SGF29: variants seen among roughly 807,000 people sequenced by gnomAD.
SGF29 encodes SAGA-associated factor 29.
SGF29 carries 15 observed loss-of-function variants against 38.1 expected under a neutral mutation model. That is an observed-to-expected ratio of 0.39 (90% CI 0.26 to 0.61). The LOEUF is 0.61. Among genes scored for constraint, SGF29 ranks in the 20% least tolerant of loss-of-function variants. The pLI, the probability that SGF29 is intolerant of heterozygous loss-of-function variation, is 0.49. For synonymous variants in SGF29, 151 were observed against 160.8 expected, an observed-to-expected ratio of 0.94 and a Z score of 0.46; for missense variants, 184 against 394.6, an observed-to-expected ratio of 0.47 and a Z score of 4.52.
intron 1 of SGF29, among the ~76,000 whole-genome samples, chr16:28,575,366 CAT>C (rs1432244593): frequency 6.6e-6 from 1 of 152,224 alleles, no homozygotes; most frequent in African/African-American, 2.4e-5. Context: ...AAATTAAAAA[CAT>C]GTGCTTCCAA....
intron 1 of SGF29, among the ~76,000 whole-genome samples, chr16:28,554,657 C>A (rs2151639223): frequency 6.6e-6 from 1 of 152,298 alleles, no homozygotes; most frequent in East Asian, 1.9e-4. Context: ...TTCACCCTCG[C>A]TATCCTCCAG....
At chr16:28,585,125 C>A in intron 3 of SGF29, 137 bp downstream of exon 3, 1 of 648,662 alleles carries the variant, frequency 1.5e-6, no homozygotes, top group South Asian at 2.0e-5. Context: ...GCAGGAGGGA[C>A]AGCTTTCCGT....
intron 1 of SGF29, among the ~76,000 whole-genome samples, chr16:28,555,115 C>T (rs1653527012): frequency 6.6e-6 from 1 of 152,172 alleles, no homozygotes; most frequent in South Asian, 2.1e-4. Flanking sequence ...ACCAAAGCCT[C>T]CCCAAATGCT....
intron 1 of SGF29, 44 bp downstream of exon 1, chr16:28,554,141 G>C (rs2046728501): frequency 6.6e-6 from 1 of 152,302 alleles, no homozygotes; most frequent in Non-Finnish European, 1.5e-5. Context: ...GGCGAAACGC[G>C]GGAGCGAAGG....
chr16:28,576,252 C>G (rs1031398241), intron 1 of SGF29, among the ~76,000 whole-genome samples: 17 of 151,794 alleles, frequency 1.1e-4, no homozygotes, highest in Non-Finnish European at 2.5e-4. Context: ...AGACACTGGG[C>G]GGGGAGGGTA....
intron 1 of SGF29, among the ~76,000 whole-genome samples, chr16:28,575,544 C>T (rs2046887650): frequency 6.6e-6 from 1 of 152,046 alleles, no homozygotes; most frequent in African/African-American, 2.4e-5. Context: ...ATTAGCTGGG[C>T]TTTGTGGTGC....
intron 1 of SGF29, among the ~76,000 whole-genome samples, chr16:28,559,695 A>G (rs1464618280): frequency 6.6e-6 from 1 of 152,146 alleles, no homozygotes; most frequent in African/African-American, 2.4e-5. Context: ...GTTATTTTAA[A>G]AAGTCTGCCT....
intron 1 of SGF29, among the ~76,000 whole-genome samples, chr16:28,580,608 ACTT>A (rs1180268394): frequency 6.6e-6 from 1 of 152,120 alleles, no homozygotes; most frequent in Non-Finnish European, 1.5e-5. Context: ...CATCTTAAAT[ACTT>A]CTCCAAAGAC....
Position 28,589,108 on chromosome 16 carries a change from G to A in SGF29, c.233G>A (p.Arg78Gln), listed in dbSNP as rs1169402444. ...CTTCTCCCCGCCCTCAGCATCCTTC[G>A]GAAAGCTCTGGACAAGATCGCGGAA... is the stretch of plus-strand genomic sequence containing the variant. ...ADAEAECNIL[R>Q]KALDKIAEIK... Residue 78 changes from arginine to glutamine, a missense_variant, in exon 5 of 10, where the codon CGG (arginine) becomes CAG (glutamine). Around this residue, in one of 2 missense-constraint regions of SGF29, gnomAD observed 77 missense variants for 117.7 expected, o/e 0.65. Coordinates refer to ENST00000317058, the MANE Select transcript of SGF29 (RefSeq NM_138414.3). 1.2e-6 allele frequency: 2 copies of A among 1,614,132 alleles called. No homozygotes were observed. The highest frequency in any genetic ancestry group is 1.7e-5 in the Admixed American group (1 of 60,028).
In SGF29 at chr16:28,591,162, G is replaced by C. The variant is rs180696646; in HGVS notation, c.765+227G>C. On this transcript the variant is annotated intron_variant, in intron 9 of 9. Transcript: ENST00000317058. ...CCGAGTCAGTGGCTTCCAGCCCCAG[G>C]AGAACCAGCTCCGAGATGGGAAGCT... 7.8e-3 allele frequency among the ~76,000 whole-genome samples: 1,183 copies of C among 152,250 alleles called. 6 individuals are homozygous for C. Among genetic ancestry groups the C allele is most frequent in the Non-Finnish European group, 0.012 (784 of 68,012 alleles).
intron 1 of SGF29, among the ~76,000 whole-genome samples, chr16:28,578,024 T>G (rs1453612466): frequency 6.6e-6 from 1 of 152,068 alleles, no homozygotes; most frequent in African/African-American, 2.4e-5. Context: ...GTTAAAAAAT[T>G]TATAAAGTAG....
intron 1 of SGF29, among the ~76,000 whole-genome samples, chr16:28,575,739 A>G (rs543493543): frequency 1.5e-4 from 23 of 152,350 alleles, no homozygotes; most frequent in Admixed American, 5.9e-4. Context: ...ATGGTAATAT[A>G]TACAGATGGC....
chr16:28,585,910 A>G (rs1381514453), intron 4 of SGF29, among the ~76,000 whole-genome samples, 190 bp downstream of exon 4: 1 of 152,168 alleles, frequency 6.6e-6, no homozygotes, highest in Non-Finnish European at 1.5e-5. Flanking sequence ...CTCTGCTGCT[A>G]ATGCCTTTAC....
At chr16:28,564,779 A>ATGTATATATATG (rs1567286253) in intron 1 of SGF29, among the ~76,000 whole-genome samples, 42 of 126,768 alleles carry the variant, frequency 3.3e-4, no homozygotes, top group South Asian at 7.0e-4. Flanking sequence ...ATATGTATAT[A>ATGTATATATATG]TATATATACA....
intron 1 of SGF29, among the ~76,000 whole-genome samples, chr16:28,563,492 GTCTA>G (rs2046802420): frequency 6.6e-6 from 1 of 152,148 alleles, no homozygotes; most frequent in Non-Finnish European, 1.5e-5. Flanking sequence ...TGTGTTGTGT[GTCTA>G]TCTGTGTGTC....
In SGF29 at chr16:28,562,732, A is replaced by G. The variant is rs555396044; in HGVS notation, c.-16+8635A>G. 1.1e-3 allele frequency among the ~76,000 whole-genome samples: 168 copies of G among 151,962 alleles called. 1 individual carries two copies. The highest frequency in any genetic ancestry group is 3.8e-3 in the African/African-American group (159 of 41,462). On this transcript the variant is annotated intron_variant, in intron 1 of 9. Transcript: ENST00000317058. ...ATCCTGGGCAACAAGGCAAGACCTC[A>G]TCTCTACAAAAATATTTAAAAATTA... is the stretch of plus-strand genomic sequence containing the variant.
At position 28,581,050 on chromosome 16, in the gene SGF29, A is replaced by C. The variant is rs779079623; in HGVS notation, c.-15-5A>C. 1 of 1,611,370 alleles carries C rather than the reference A, an allele frequency of 6.2e-7. No homozygotes were observed. Among genetic ancestry groups the C allele is most frequent in the Non-Finnish European group, 8.5e-7 (1 of 1,178,092 alleles). On this transcript the variant is annotated splice_region_variant and splice_polypyrimidine_tract_variant and intron_variant, in intron 1 of 9. Transcript: ENST00000317058. Reference sequence around the variant, plus strand: ...AGTTCTCTTCTGTCCTCGCTCCCCCACCAGGTGCCCCTGTAGACAATGGCC... The same window carrying C: ...AGTTCTCTTCTGTCCTCGCTCCCCCCCCAGGTGCCCCTGTAGACAATGGCC...
At chr16:28,584,565 G>A (rs531999581) in intron 2 of SGF29, among the ~76,000 whole-genome samples, 15 of 152,194 alleles carry the variant, frequency 9.9e-5, no homozygotes, top group African/African-American at 2.9e-4. Flanking sequence ...CGAGGCAGGC[G>A]GATCACGAGG....
chr16:28,564,549 ACG>A (rs72229015), intron 1 of SGF29, among the ~76,000 whole-genome samples: 22,114 of 83,346 alleles, frequency 0.27, 2,799 homozygotes, highest in African/African-American at 0.29. Context: ...GTATATATAT[ACG>A]TATATATATA....
Sources: gnomAD v4.1 joint callset for allele counts (sites outside exome capture counted in the v4.1 genomes callset) on GRCh38, gnomAD v4.1.1 for gene constraint, gnomAD v4.1.1 regional missense constraint, MANE v1.5 for transcripts, NCBI Gene and HGNC (gene_info 2026-07-23, HGNC 2026-07-21) for gene names.